Variants in TNS3 observed in about 807,000 individuals in gnomAD.
The protein encoded by TNS3 is tensin-3.
Under a neutral mutation model 140.9 loss-of-function variants are expected in TNS3, and 45 were observed. The observed-to-expected ratio is 0.32, with a 90% CI of 0.25 to 0.41. The LOEUF is 0.41. Among genes scored for constraint, TNS3 ranks in the 10% least tolerant of loss-of-function variants. TNS3 has a pLI of 1.00. For missense variants in TNS3, 1,716 were observed against 1,906.7 expected (o/e 0.90, Z 1.86); for synonymous variants, 815 against 788.4 (o/e 1.03, Z -0.56).
intron 20 of TNS3, among the ~76,000 whole-genome samples, chr7:47,308,518 T>C (rs895554758): frequency 1.3e-5 from 2 of 152,248 alleles, no homozygotes; most frequent in Non-Finnish European, 2.9e-5. Context: ...TAATTTTTGA[T>C]TGAATGCCAG....
chr7:47,509,049 T>C (rs570987311), intron 2 of TNS3, among the ~76,000 whole-genome samples: 9 of 152,298 alleles, frequency 5.9e-5, no homozygotes, highest in African/African-American at 2.2e-4. Flanking sequence ...AGATAACAGA[T>C]GCTTACTGCT....
At chr7:47,365,627 G>A (rs980813410) in intron 17 of TNS3, among the ~76,000 whole-genome samples, 6 of 152,040 alleles carry the variant, frequency 3.9e-5, no homozygotes, top group Non-Finnish European at 7.4e-5. Flanking sequence ...AGCCGGGCGT[G>A]ATGGCGGGCG....
intron 1 of TNS3, among the ~76,000 whole-genome samples, chr7:47,558,995 GC>G (rs1403197081): frequency 2.6e-5 from 4 of 152,188 alleles, no homozygotes; most frequent in African/African-American, 9.7e-5. Flanking sequence ...AGCAAATCTC[GC>G]AACGCCCGTG....
At position 47,469,415 on chromosome 7, in the gene TNS3, G is replaced by A. The variant is rs1230743283; in HGVS notation, c.-76+11688C>T. The stretch of plus-strand genomic sequence containing the variant: ...GTCAAAAAACATCAGACGTCGGCTA[G>A]GCTGCAGAGAAAAGGAATGCTTGTA... On this transcript the variant is annotated intron_variant, in intron 4 of 30. Coordinates refer to ENST00000311160, the MANE Select transcript of TNS3 (RefSeq NM_022748.12). Among the ~76,000 whole-genome samples the A allele has an allele frequency of 1.3e-5, 2 of 152,218 alleles. 1 individual carries two copies. The highest frequency in any genetic ancestry group is 4.8e-5 in the African/African-American group (2 of 41,460).
At chr7:47,360,158 C>T (rs1049096523) in intron 17 of TNS3, among the ~76,000 whole-genome samples, 3 of 152,144 alleles carry the variant, frequency 2.0e-5, no homozygotes, top group Admixed American at 1.3e-4. Context: ...CATTCTAAAA[C>T]GTTTTCCGAA....
chr7:47,297,330 G>A, intron 23 of TNS3, 117 bp from the exon 24 acceptor site: 1 of 1,268,986 alleles, frequency 7.9e-7, no homozygotes, highest in East Asian at 2.4e-5. Flanking sequence ...GATCAGTGGG[G>A]ACCTGGCCGG....
At chr7:47,370,802 G>A (rs1406330071) in intron 16 of TNS3, among the ~76,000 whole-genome samples, 4 of 152,324 alleles carry the variant, frequency 2.6e-5, no homozygotes, top group South Asian at 2.1e-4. Context: ...TTTGAGAGAC[G>A]TGAGCCACTA....
chr7:47,339,766 TC>T (rs1788842548), intron 20 of TNS3, among the ~76,000 whole-genome samples: 1 of 152,004 alleles, frequency 6.6e-6, no homozygotes, highest in African/African-American at 2.4e-5. Context: ...AAACTGTCTG[TC>T]AATCTGGAAA....
At chr7:47,523,494 C>T (rs1799065145) in intron 2 of TNS3, among the ~76,000 whole-genome samples, 2 of 152,232 alleles carry the variant, frequency 1.3e-5, no homozygotes, top group African/African-American at 4.8e-5. Flanking sequence ...GTCAACAGCG[C>T]CAGAAACCAG....
intron 24 of TNS3, among the ~76,000 whole-genome samples, chr7:47,294,144 T>G (rs1785870742): frequency 6.6e-6 from 1 of 151,670 alleles, no homozygotes; most frequent in Admixed American, 6.6e-5. Flanking sequence ...GGAATGAGCT[T>G]GCAGCTAAGA....
chr7:47,513,385 T>A (rs1168177441), intron 2 of TNS3, among the ~76,000 whole-genome samples: 1 of 152,108 alleles, frequency 6.6e-6, no homozygotes, highest in Admixed American at 6.5e-5. Flanking sequence ...CCCAGGCTGG[T>A]CTTGAACTCC....
intron 1 of TNS3, among the ~76,000 whole-genome samples, chr7:47,559,983 G>A (rs964057823): frequency 2.0e-5 from 3 of 152,166 alleles, no homozygotes; most frequent in African/African-American, 7.2e-5. Flanking sequence ...GGGCCCCAAG[G>A]TAGGAAGCTG....
At chr7:47,461,629 C>T (rs1796495913) in intron 4 of TNS3, among the ~76,000 whole-genome samples, 1 of 152,244 alleles carries the variant, frequency 6.6e-6, no homozygotes, top group African/African-American at 2.4e-5. Context: ...TCTGCAGTCC[C>T]GCACTGTGTT....
chr7:47,341,169 T>C (rs1454748279), intron 20 of TNS3, among the ~76,000 whole-genome samples: 3 of 152,224 alleles, frequency 2.0e-5, no homozygotes, highest in Admixed American at 6.5e-5. Flanking sequence ...GAGTTTTGTA[T>C]CTGAATCTGC....
intron 4 of TNS3, among the ~76,000 whole-genome samples, chr7:47,474,117 AACACACACACAC>A: frequency 6.9e-6 from 1 of 145,426 alleles, no homozygotes; most frequent in South Asian, 2.2e-4. Flanking sequence ...AGCAAGTCTC[AACACACACACAC>A]ACACACACAC....
chr7:47,385,780 G>A (rs1035796511), intron 16 of TNS3, among the ~76,000 whole-genome samples: 10 of 152,056 alleles, frequency 6.6e-5, no homozygotes, highest in Non-Finnish European at 1.3e-4. Context: ...TGGCTCCCCC[G>A]CCGCTTTTCC....
At chr7:47,481,705 A>G in intron 3 of TNS3, 1 of 985,426 alleles carries the variant, frequency 1.0e-6, no homozygotes, top group East Asian at 1.1e-4. Flanking sequence ...TGACTCCACC[A>G]TAGTCTCTGA....
chr7:47,526,982 C>T (rs112880373), intron 2 of TNS3, among the ~76,000 whole-genome samples: 3,989 of 152,216 alleles, frequency 0.026, 61 homozygotes, highest in Non-Finnish European at 0.044. Flanking sequence ...CCTGTAATCC[C>T]AGCACTTTGG....
intron 16 of TNS3, among the ~76,000 whole-genome samples, chr7:47,385,160 C>T (rs1188683410): frequency 6.6e-6 from 1 of 152,186 alleles, no homozygotes; most frequent in East Asian, 1.9e-4. Flanking sequence ...GCTTTGGACA[C>T]ACTCATGGTG....
Sources: allele counts gnomAD v4.1 joint callset (sites outside exome capture counted in the v4.1 genomes callset), GRCh38; gene constraint gnomAD v4.1.1; transcripts MANE v1.5; gene names NCBI Gene and HGNC (gene_info 2026-07-23, HGNC 2026-07-21).